Variants in NCKAP5 observed in about 807,000 individuals in gnomAD.
NCKAP5 encodes the protein nck-associated protein 5.
NCKAP5 carries 92 observed loss-of-function variants against 167.0 expected under a neutral mutation model. That is an observed-to-expected ratio of 0.55 (90% confidence interval 0.47 to 0.66). The LOEUF (loss-of-function observed/expected upper bound fraction) is 0.66, where lower values mean the gene tolerates loss of function less well. Among genes scored for constraint, NCKAP5 ranks in the 30% least tolerant of loss-of-function variants. NCKAP5 has a pLI of 0.00. For synonymous variants in NCKAP5, 891 were observed against 877.4 expected (o/e 1.02, Z -0.27); for missense variants, 2,378 against 2,315.0 (o/e 1.03, Z -0.56).
chr2:133,153,791 T>A (rs1043502020), intron 5 of NCKAP5, among the ~76,000 whole-genome samples: 2 of 151,168 alleles, frequency 1.3e-5, no homozygotes, highest in African/African-American at 2.4e-5. Flanking sequence ...GCTGGTGAGT[T>A]CCTATGCATC....
At chr2:133,435,827 C>T (rs1690438963) in intron 3 of NCKAP5, among the ~76,000 whole-genome samples, 1 of 152,160 alleles carries the variant, frequency 6.6e-6, no homozygotes, top group African/African-American at 2.4e-5. Context: ...GTTCTCTTCT[C>T]TCACCTGCCA....
chr2:132,710,101 G>A (rs567956581), intron 19 of NCKAP5, among the ~76,000 whole-genome samples: 1 of 152,004 alleles, frequency 6.6e-6, no homozygotes, highest in African/African-American at 2.4e-5. Context: ...TTCATTTAAG[G>A]CATTAAAGGC....
Position 133,130,058 on chromosome 2 carries a change from G to A in NCKAP5, c.261C>T (p.Ser87=), listed in dbSNP as rs374217179. The change falls in exon 6 of 20, where the codon AGC becomes AGT. Residue 87 remains serine, a synonymous_variant. Coordinates refer to ENST00000409261, the MANE Select transcript of NCKAP5 (RefSeq NM_207363.3). ...LEEERHLRLQ[S]EKRLQEVTLE... ...GGGTCACCTCCTGCAACCGCTTCTCGCTTTGAAGACGTAAGTGTCTCTCCT... is the reference window on the plus strand; with the variant it reads ...GGGTCACCTCCTGCAACCGCTTCTCACTTTGAAGACGTAAGTGTCTCTCCT... 47 of 1,611,834 alleles carry A rather than the reference G, an allele frequency of 2.9e-5. 1 individual carries two copies. Among genetic ancestry groups the A allele is most frequent in the South Asian group, 1.8e-4 (16 of 90,516 alleles).
intron 6 of NCKAP5, among the ~76,000 whole-genome samples, chr2:133,039,793 G>T (rs1424370622): frequency 6.6e-6 from 1 of 152,122 alleles, no homozygotes; most frequent in Non-Finnish European, 1.5e-5. Context: ...TTCTGCTGTA[G>T]GTGGCCCAGG....
chr2:132,810,853 T>A (rs1254267944), intron 11 of NCKAP5, among the ~76,000 whole-genome samples: 1 of 152,220 alleles, frequency 6.6e-6, no homozygotes, highest in African/African-American at 2.4e-5. Context: ...AGCCTTGTTT[T>A]GTCATATTAC....
the NCKAP5 span, among the ~76,000 whole-genome samples, chr2:133,574,669 T>G: frequency 2.0e-5 from 3 of 151,686 alleles, no homozygotes; most frequent in African/African-American, 7.3e-5. Flanking sequence ...TATAAATTCT[T>G]TGCTCTGATC....
the NCKAP5 span, among the ~76,000 whole-genome samples, chr2:133,605,238 C>T: frequency 1.9e-4 from 29 of 152,292 alleles, no homozygotes; most frequent in East Asian, 1.4e-3. Context: ...CCTCCTTGCT[C>T]GCTTTAAATT....
intron 17 of NCKAP5, among the ~76,000 whole-genome samples, chr2:132,729,199 C>T (rs947509992): frequency 4.6e-5 from 7 of 152,144 alleles, no homozygotes; most frequent in Non-Finnish European, 1.0e-4. Flanking sequence ...TACTTTTCTA[C>T]AAAATGTTGA....
chr2:133,647,302 A>C, the NCKAP5 span, among the ~76,000 whole-genome samples: 5 of 150,572 alleles, frequency 3.3e-5, no homozygotes, highest in African/African-American at 1.2e-4. Context: ...ATGCCACTGC[A>C]CTCCAGCCTG....
At chr2:133,214,209 C>G (rs2086332233) in intron 4 of NCKAP5, among the ~76,000 whole-genome samples, 1 of 152,094 alleles carries the variant, frequency 6.6e-6, no homozygotes, top group Non-Finnish European at 1.5e-5. Flanking sequence ...TTTAAAATAA[C>G]AATAGAAAAT....
intron 3 of NCKAP5, among the ~76,000 whole-genome samples, chr2:133,390,250 A>C (rs1687300430): frequency 6.6e-6 from 1 of 152,180 alleles, no homozygotes; most frequent in African/African-American, 2.4e-5. Flanking sequence ...TAAGACAAGA[A>C]AGACTCCTTC....
chr2:132,861,310 T>C (rs924443863), intron 10 of NCKAP5, among the ~76,000 whole-genome samples: 1 of 152,022 alleles, frequency 6.6e-6, no homozygotes, highest in African/African-American at 2.4e-5. Flanking sequence ...CCCCAGCTCA[T>C]GGAGGAAGCT....
chr2:132,964,709 T>C (rs934973346), intron 7 of NCKAP5, among the ~76,000 whole-genome samples: 1 of 152,166 alleles, frequency 6.6e-6, no homozygotes, highest in Non-Finnish European at 1.5e-5. Context: ...GCTGCAGAAA[T>C]CTTTGCTTTA....
At chr2:133,141,709 G>A (rs958875588) in intron 5 of NCKAP5, among the ~76,000 whole-genome samples, 4 of 152,056 alleles carry the variant, frequency 2.6e-5, no homozygotes, top group African/African-American at 7.2e-5. Flanking sequence ...CACACTTCCC[G>A]TTTCATTGTG....
At chr2:133,153,904 C>T (rs1443915852) in intron 5 of NCKAP5, among the ~76,000 whole-genome samples, 4 of 139,686 alleles carry the variant, frequency 2.9e-5, no homozygotes, top group Admixed American at 7.9e-5. Context: ...GGCGCAATCT[C>T]AGCTCACTGC....
chr2:133,549,172 G>A (rs371035879), intron 2 of NCKAP5, among the ~76,000 whole-genome samples: 1 of 151,288 alleles, frequency 6.6e-6, no homozygotes, highest in Non-Finnish European at 1.5e-5. Context: ...TCAACAAGAA[G>A]AGCTAACTAT....
intron 3 of NCKAP5, among the ~76,000 whole-genome samples, chr2:133,384,648 A>G (rs373881915): frequency 7.9e-5 from 12 of 152,244 alleles, no homozygotes; most frequent in African/African-American, 2.4e-4. Context: ...ACCTTGGGCA[A>G]TATGGCCATT....
intron 19 of NCKAP5, among the ~76,000 whole-genome samples, chr2:132,708,618 G>A (rs933579460): frequency 6.6e-6 from 1 of 152,208 alleles, no homozygotes; most frequent in Non-Finnish European, 1.5e-5. Flanking sequence ...CCTGACTGAG[G>A]ATGGGGGAAA....
chr2:133,449,678 TG>T (rs1452343270), intron 3 of NCKAP5, among the ~76,000 whole-genome samples: 1 of 152,194 alleles, frequency 6.6e-6, no homozygotes, highest in Admixed American at 6.5e-5. Flanking sequence ...CAATCTGAAA[TG>T]GATTCTATGT....
Sources: allele counts gnomAD v4.1 joint callset (sites outside exome capture counted in the v4.1 genomes callset), GRCh38; gene constraint gnomAD v4.1.1; transcripts MANE v1.5; gene names NCBI Gene and HGNC (gene_info 2026-07-23, HGNC 2026-07-21).